LRP2: variants seen among roughly 807,000 people sequenced by gnomAD.
The protein encoded by LRP2 is low-density lipoprotein receptor-related protein 2.
A neutral mutation model predicts 531.0 loss-of-function variants in LRP2; 172 were observed. The ratio of observed to expected loss-of-function variants is 0.32; its 90% CI spans 0.29 to 0.37. The LOEUF is 0.37. Among genes scored for constraint, LRP2 ranks in the 10% least tolerant of loss-of-function variants. The probability of loss-of-function intolerance (pLI) is 1.00; values close to 1 mark genes in which losing one functional copy is unlikely to be tolerated. For missense variants in LRP2, 5,167 were observed against 5,868.3 expected (o/e 0.88, Z 3.90); for synonymous variants, 1,992 against 2,027.6 (o/e 0.98, Z 0.47).
At position 169,294,652 on chromosome 2, in the gene LRP2, C is replaced by A; in HGVS notation, c.486G>T (p.Gln162His). Reference protein sequence around the residue: ...CDNGACYNTSQKCDWKVDCRD... With the variant: ...CDNGACYNTSHKCDWKVDCRD... ...TGCAATCAACTTTCCAATCACACTT[C>A]TGACTGGTGTTATAGCAGGCCCCAT... Residue 162 changes from glutamine to histidine, a missense_variant, in exon 5 of 79, where the codon CAG becomes CAT. Gln to His is a conservative substitution (Grantham distance 24). Coordinates refer to ENST00000649046, the MANE Select transcript of LRP2 (RefSeq NM_004525.3). The A allele has an allele frequency of 6.3e-7, 1 of 1,598,606 alleles. No individual in the cohort carries two copies. Among genetic ancestry groups the A allele is most frequent in the Non-Finnish European group, 8.5e-7 (1 of 1,174,170 alleles).
intron 46 of LRP2, among the ~76,000 whole-genome samples, chr2:169,195,964 AATGATAT>A (rs150175431): frequency 0.014 from 2,113 of 152,354 alleles, 27 homozygotes; most frequent in Middle Eastern, 0.061. Context: ...TATTTACTGC[AATGATAT>A]ATACTATAGA....
chr2:169,170,211 T>C (rs910117686), intron 59 of LRP2, among the ~76,000 whole-genome samples: 1 of 152,206 alleles, frequency 6.6e-6, no homozygotes, highest in Non-Finnish European at 1.5e-5. Flanking sequence ...TAGGAGCACA[T>C]GCATATTCCT....
rs1684192354 is a variant in LRP2, at chr2:169,298,615, A to AG, written c.428-3906dup. The stretch of plus-strand genomic sequence containing the variant: ...AAGAAAAAGAAGAAACCCAAGAGGA[A>AG]GGGGGGAAGATTTTCTTTCTGCCAG... On this transcript the variant is annotated intron_variant, in intron 4 of 78. Transcript: ENST00000649046. 2.0e-5 allele frequency among the ~76,000 whole-genome samples: 3 copies of AG among 152,224 alleles called. No individual in the cohort carries two copies. The South Asian group carries it at 6.2e-4, about 32-fold the overall frequency.
intron 74 of LRP2, among the ~76,000 whole-genome samples, 185 bp from the exon 75 acceptor site, chr2:169,138,891 A>G (rs1685616908): frequency 6.6e-6 from 1 of 152,218 alleles, no homozygotes; most frequent in Non-Finnish European, 1.5e-5. Context: ...GCTACCTGGA[A>G]ACGTTAAAGC....
chr2:169,202,198 C>T (rs1688225674), intron 43 of LRP2, among the ~76,000 whole-genome samples: 1 of 152,152 alleles, frequency 6.6e-6, no homozygotes, highest in South Asian at 2.1e-4. Flanking sequence ...AAACTCCTAG[C>T]CCCTATCACA....
At chr2:169,139,495 G>A (rs996509745) in intron 73 of LRP2, 48 bp downstream of exon 73, 1 of 1,610,646 alleles carries the variant, frequency 6.2e-7, no homozygotes, top group Non-Finnish European at 8.5e-7. Flanking sequence ...AGCATTCAAT[G>A]TAGGGGCCAT....
rs187738197 is a variant in LRP2 at position 169,314,744 on chromosome 2, G to C, written c.310+4018C>G. The stretch of plus-strand genomic sequence containing the variant: ...GTCCAATTTTACTTCTATTAATAAA[G>C]GCAGAATAGATAGATTTTTCCAGAA... On this transcript the variant is annotated intron_variant, in intron 3 of 78. Transcript: ENST00000649046. 3.8e-3 allele frequency among the ~76,000 whole-genome samples: 571 copies of C among 152,232 alleles called. 4 individuals carry two copies. Among genetic ancestry groups the C allele is most frequent in the Non-Finnish European group, 6.5e-3 (440 of 68,014 alleles).
intron 1 of LRP2, among the ~76,000 whole-genome samples, chr2:169,362,067 G>A (rs967036101): frequency 6.6e-6 from 1 of 152,266 alleles, no homozygotes; most frequent in Non-Finnish European, 1.5e-5. Context: ...CAGGGTCTCC[G>A]TGGGGTGCGC....
chr2:169,291,355 A>T (rs181681596), intron 7 of LRP2, among the ~76,000 whole-genome samples: 8 of 152,340 alleles, frequency 5.3e-5, no homozygotes, highest in African/African-American at 1.9e-4. Flanking sequence ...TTAGGTCCAG[A>T]ATTACTTGAA....
chr2:169,324,196 C>T (rs1379470541), intron 1 of LRP2, among the ~76,000 whole-genome samples: 1 of 152,084 alleles, frequency 6.6e-6, no homozygotes, highest in African/African-American at 2.4e-5. Context: ...CAGAGCAATT[C>T]GGTAACTTGC....
Position 169,187,461 on chromosome 2 carries a change from C to T in LRP2, c.9328+509G>A, listed in dbSNP as rs189729158. On this transcript the variant is annotated intron_variant, in intron 49 of 78. Coordinates refer to ENST00000649046, the MANE Select transcript of LRP2 (RefSeq NM_004525.3). Reference sequence around the variant, plus strand: ...CAAGGATTAAACACCACAAACAGGACGAACTGCCAATATTATGGAGTTCAA... The same window carrying T: ...CAAGGATTAAACACCACAAACAGGATGAACTGCCAATATTATGGAGTTCAA... 3.0e-3 allele frequency among the ~76,000 whole-genome samples: 460 copies of T among 152,300 alleles called. 3 individuals are homozygous for T. The highest frequency in any genetic ancestry group is 0.011 in the African/African-American group (440 of 41,560).
Position 169,362,308 on chromosome 2 carries a change from G to T in LRP2, c.79+13C>A. ...AGTGGGGGCTCCACGAGAGGCTCTG[G>T]CTGGGCTCTTACCTTGGCCACTGGC... is the stretch of plus-strand genomic sequence containing the variant. On this transcript the variant is annotated intron_variant, in intron 1 of 78. Coordinates refer to ENST00000649046, the MANE Select transcript of LRP2 (RefSeq NM_004525.3). The T allele has an allele frequency of 6.4e-7, 1 of 1,553,572 alleles. No homozygotes were observed. The highest frequency in any genetic ancestry group is 8.7e-7 in the Non-Finnish European group (1 of 1,148,930).
intron 70 of LRP2, among the ~76,000 whole-genome samples, chr2:169,143,506 C>T (rs983483117): frequency 2.0e-5 from 3 of 152,030 alleles, no homozygotes; most frequent in Admixed American, 1.3e-4. Context: ...ATTAGCTGGG[C>T]GTGGTGGCGG....
chr2:169,156,289 G>T lies in LRP2; in HGVS notation c.12136C>A (p.Arg4046=). The stretch of plus-strand genomic sequence containing the variant: ...CCCATCATACCCTCAGCTGCACATC[G>T]TTTTCCAGGGCGGTCACTCATAGAC... The part of the protein sequence containing the change: ...FTSMSDRPGK[R]CAAEGSSPLL... Residue 4046 remains arginine, a synonymous_variant, in exon 65 of 79, where the codon CGA becomes AGA. Transcript: ENST00000649046. 3 of 1,613,640 alleles carry T rather than the reference G, an allele frequency of 1.9e-6. No individual in the cohort carries two copies. The highest frequency in any genetic ancestry group is 2.2e-5 in the South Asian group (2 of 91,072).
chr2:169,268,730 A>G (rs1361822259), intron 16 of LRP2, among the ~76,000 whole-genome samples: 2 of 152,220 alleles, frequency 1.3e-5, no homozygotes, highest in African/African-American at 4.8e-5. Flanking sequence ...CCTACTCAGC[A>G]TAGTGTTGGA....
rs1689231367 is a variant in LRP2, at chr2:169,227,167, A to C, written c.5228-579T>G. On this transcript the variant is annotated intron_variant, in intron 31 of 78. Coordinates refer to ENST00000649046, the MANE Select transcript of LRP2 (RefSeq NM_004525.3). ...GTGTCTCTCTTCCCTATAAGATTTT[A>C]ACTCCCAAAGGTCAATGACTGTGTC... 3.3e-5 allele frequency among the ~76,000 whole-genome samples: 5 copies of C among 152,204 alleles called. No individual in the cohort carries two copies. In the South Asian group the frequency reaches 1.0e-3, roughly 32 times the overall value.
chr2:169,300,532 T>C (rs1415750288), intron 4 of LRP2, among the ~76,000 whole-genome samples: 1 of 152,088 alleles, frequency 6.6e-6, no homozygotes, highest in Admixed American at 6.6e-5. Context: ...CCATTAACGT[T>C]AATGCTAGGA....
At chr2:169,318,425 C>T (rs990093530) in intron 3 of LRP2, among the ~76,000 whole-genome samples, 7 of 152,068 alleles carry the variant, frequency 4.6e-5, no homozygotes, top group Non-Finnish European at 8.8e-5. Context: ...GCCACAGAGC[C>T]AAAGGACTCA....
intron 4 of LRP2, among the ~76,000 whole-genome samples, chr2:169,305,684 T>C (rs1334437586): frequency 2.0e-5 from 3 of 152,278 alleles, no homozygotes; most frequent in East Asian, 1.9e-4. Flanking sequence ...GTTTGAAATA[T>C]AAATTTAAGA....
Sources: gnomAD v4.1 joint callset for allele counts (sites outside exome capture counted in the v4.1 genomes callset) on GRCh38, gnomAD v4.1.1 for gene constraint, MANE v1.5 for transcripts, NCBI Gene and HGNC (gene_info 2026-07-23, HGNC 2026-07-21) for gene names.